Variants in ZHX1 observed in about 807,000 individuals in gnomAD.
The protein encoded by ZHX1 is zinc fingers and homeoboxes protein 1.
In ZHX1, 20 loss-of-function variants were observed where a neutral mutation model predicts 61.8. The observed-to-expected ratio is 0.32, with a 90% CI of 0.23 to 0.47. The LOEUF (loss-of-function observed/expected upper bound fraction) is 0.47. ZHX1 is among the 20% of genes least tolerant of loss of function. The pLI is 1.00. For synonymous variants in ZHX1, 318 were observed against 352.6 expected (o/e 0.90, Z 1.10); for missense variants, 800 against 1,034.8 (o/e 0.77, Z 3.11).
intron 2 of ZHX1, among the ~76,000 whole-genome samples, chr8:123,256,386 C>T: frequency 6.6e-6 from 1 of 152,074 alleles, no homozygotes; most frequent in East Asian, 1.9e-4. Flanking sequence ...GGGTCAGACA[C>T]AAGCTTATTC....
intron 3 of ZHX1, 77 bp downstream of exon 3, chr8:123,253,245 C>A: frequency 8.1e-7 from 1 of 1,230,748 alleles, no homozygotes; most frequent in African/African-American, 1.5e-5. Flanking sequence ...ATGAAGATGA[C>A]TGATACAACA....
intron 2 of ZHX1, among the ~76,000 whole-genome samples, chr8:123,258,492 ACT>A (rs777089732): frequency 4.1e-4 from 62 of 152,064 alleles, no homozygotes; most frequent in Admixed American, 8.5e-4. Flanking sequence ...AGTCCCCCAA[ACT>A]CTGGATTGAG....
intron 2 of ZHX1, among the ~76,000 whole-genome samples, chr8:123,261,631 C>T (rs970544032): frequency 6.6e-6 from 1 of 151,990 alleles, no homozygotes; most frequent in African/African-American, 2.4e-5. Flanking sequence ...CAGGAGGCTT[C>T]TAGAAAAGAA....
chr8:123,267,831 G>A (rs1343386018), intron 1 of ZHX1, among the ~76,000 whole-genome samples: 2 of 152,070 alleles, frequency 1.3e-5, no homozygotes, highest in East Asian at 1.9e-4. Flanking sequence ...GAGAAACCCC[G>A]TCTCTACTAA....
At chr8:123,251,151 G>T (rs1000461655) in intron 3 of ZHX1, among the ~76,000 whole-genome samples, 7 of 152,116 alleles carry the variant, frequency 4.6e-5, no homozygotes, top group African/African-American at 1.7e-4. Flanking sequence ...CTGGTTGTTT[G>T]AAAGTTGTGT....
chr8:123,251,742 G>T (rs1825924371), intron 3 of ZHX1, among the ~76,000 whole-genome samples: 1 of 152,174 alleles, frequency 6.6e-6, no homozygotes, highest in South Asian at 2.1e-4. Context: ...TTAGGAAATG[G>T]AGGGCTGCAC....
chr8:123,259,669 C>T (rs1280034936), intron 2 of ZHX1, among the ~76,000 whole-genome samples: 2 of 152,122 alleles, frequency 1.3e-5, no homozygotes, highest in Non-Finnish European at 2.9e-5. Flanking sequence ...AGAGGAGTAA[C>T]CTATTTTGTG....
At position 123,255,415 on chromosome 8, in the gene ZHX1, T is replaced by C; in HGVS notation, c.532A>G (p.Ile178Val). 15 of 1,613,510 alleles carry C rather than the reference T, an allele frequency of 9.3e-6. No homozygotes were observed. Among genetic ancestry groups the C allele is most frequent in the Non-Finnish European group, 1.3e-5 (15 of 1,180,022 alleles). Residue 178 changes from isoleucine (I) to valine (V), a missense_variant, in exon 3 of 4, where the codon ATC becomes GTC. Coordinates refer to ENST00000395571, the MANE Select transcript of ZHX1 (RefSeq NM_007222.5). ...ATTTTCATGATAGGAGTTTTACTGA[T>C]AGATATTCCCGAAGAAGAAACTTCT... Reference protein sequence around the residue: ...STEVSSSGISISKTPIMKMMK... With the variant: ...STEVSSSGISVSKTPIMKMMK...
At chr8:123,261,532 G>A (rs935236247) in intron 2 of ZHX1, among the ~76,000 whole-genome samples, 15 of 152,136 alleles carry the variant, frequency 9.9e-5, no homozygotes, top group Non-Finnish European at 1.5e-4. Context: ...TGGTTTTTCA[G>A]GTACCAGCAG....
In ZHX1 at chr8:123,254,270, T is replaced by A; in HGVS notation, c.1677A>T (p.Gln559His). The change falls in exon 3 of 4, where the codon CAA becomes CAT. Residue 559 changes from glutamine to histidine, a missense_variant. Gln to His is a conservative substitution (Grantham distance 24). Coordinates refer to ENST00000395571, the MANE Select transcript of ZHX1 (RefSeq NM_007222.5). This position sits in a 1 kb window ranked among gnomAD's most constrained non-coding sequence, Gnocchi z 4.1. ...SPTVGTAQPKQSWNPFPDFTP... is the reference protein window; with the variant it reads ...SPTVGTAQPKHSWNPFPDFTP... ...TAAAGTCAGGAAAAGGATTCCAGGA[T>A]TGCTTAGGCTGTGCAGTACCAACAG... is the stretch of plus-strand genomic sequence containing the variant. 1 of 1,614,156 alleles carries A rather than the reference T, an allele frequency of 6.2e-7. No individual in the cohort carries two copies. The highest frequency in any genetic ancestry group is 1.7e-5 in the Admixed American group (1 of 60,018).
chr8:123,267,402 AT>A lies in ZHX1; in HGVS notation c.-339-17del. 1 of 779,752 alleles carries A rather than the reference AT, an allele frequency of 1.3e-6. No homozygotes were observed. Among genetic ancestry groups the A allele is most frequent in the Non-Finnish European group, 1.9e-6 (1 of 538,012 alleles). The allele number at this position is 779,752 out of a possible 1,614,324, so 48.3% of individuals were successfully genotyped here. On this transcript the variant is annotated splice_polypyrimidine_tract_variant and intron_variant, in intron 1 of 3. Coordinates refer to ENST00000395571, the MANE Select transcript of ZHX1 (RefSeq NM_007222.5). ...CTGTCTTCTCCTACAAAAAAGTCATATTTTATTATTCTAGATATAATTTAGC... is the reference window on the plus strand; with the variant it reads ...CTGTCTTCTCCTACAAAAAAGTCATATTTATTATTCTAGATATAATTTAGC...
intron 2 of ZHX1, among the ~76,000 whole-genome samples, 185 bp downstream of exon 2, chr8:123,267,083 TTTAAA>T (rs1160069150): frequency 1.3e-5 from 2 of 152,306 alleles, no homozygotes; most frequent in Non-Finnish European, 1.5e-5. Context: ...GCCGTCTCCT[TTTAAA>T]TTAAAGCAGT....
At chr8:123,251,052 G>A (rs572918722) in intron 3 of ZHX1, among the ~76,000 whole-genome samples, 17 of 152,268 alleles carry the variant, frequency 1.1e-4, no homozygotes, top group Non-Finnish European at 1.9e-4. Flanking sequence ...GGAGTGTCGG[G>A]GGAGGGAGCC....
chr8:123,267,173 G>T, intron 2 of ZHX1, 100 bp downstream of exon 2: 1 of 1,123,802 alleles, frequency 8.9e-7, no homozygotes, highest in South Asian at 1.9e-5. Flanking sequence ...GCTTTTTAAG[G>T]AAAGCTTTTA....
upstream of ZHX1, chr8:123,274,506 C>G (rs1826781036): frequency 6.6e-6 from 1 of 151,860 alleles, no homozygotes; most frequent in South Asian, 2.1e-4. Flanking sequence ...GCCCCCACCC[C>G]GTGCGGCGCC....
intron 1 of ZHX1, among the ~76,000 whole-genome samples, chr8:123,271,628 G>C (rs2131228349): frequency 6.6e-6 from 1 of 152,062 alleles, no homozygotes; most frequent in Middle Eastern, 3.4e-3. Context: ...CACATTTTAT[G>C]CTTAATTAGC....
At position 123,255,247 on chromosome 8, in the gene ZHX1, T is replaced by G; in HGVS notation, c.700A>C (p.Thr234Pro). ...ATTCTGTTTACAATGGAAGTACTTG[T>G]ATTAGATTCAGAAGCTGAAGAACTT... is the stretch of plus-strand genomic sequence containing the variant. ...NPSSSASESNTSTSIVNRIHP... is the reference protein window; with the variant it reads ...NPSSSASESNPSTSIVNRIHP... The change falls in exon 3 of 4, where the codon ACA becomes CCA. Residue 234 changes from threonine (T) to proline (P), a missense_variant. Transcript: ENST00000395571. 6.2e-7 allele frequency: 1 copy of G among 1,614,228 alleles called. No individual in the cohort carries two copies. Among genetic ancestry groups the G allele is most frequent in the Non-Finnish European group, 8.5e-7 (1 of 1,180,046 alleles).
chr8:123,263,423 T>G (rs1039261780), intron 2 of ZHX1, among the ~76,000 whole-genome samples: 12 of 152,122 alleles, frequency 7.9e-5, no homozygotes, highest in African/African-American at 2.7e-4. Context: ...CTAAAAAGTT[T>G]GAGAGTTCTT....
At chr8:123,262,273 C>T (rs2131207869) in intron 2 of ZHX1, among the ~76,000 whole-genome samples, 1 of 152,196 alleles carries the variant, frequency 6.6e-6, no homozygotes, top group South Asian at 2.1e-4. Context: ...AATTTAATTG[C>T]TATACTGCCA....
Sources: gnomAD v4.1 joint callset for allele counts (sites outside exome capture counted in the v4.1 genomes callset) on GRCh38, gnomAD v4.1.1 for gene constraint, Gnocchi (gnomAD v3.1) non-coding constraint, MANE v1.5 for transcripts, NCBI Gene and HGNC (gene_info 2026-07-23, HGNC 2026-07-21) for gene names.